The following OR2T12 variants were observed in gnomAD, a reference collection of about 807,000 sequenced individuals.
The protein encoded by OR2T12 is olfactory receptor 2T12.
For synonymous variants in OR2T12, 127 were observed against 160.5 expected, an observed-to-expected ratio of 0.79 and a Z score of 1.58; for missense variants, 335 against 404.3, an observed-to-expected ratio of 0.83 and a Z score of 1.47.
intron 2 of OR2T12, among the ~76,000 whole-genome samples, chr1:248,299,406 C>G (rs9629000): frequency 0.012 from 1,828 of 152,036 alleles, 26 homozygotes; most frequent in African/African-American, 0.029. Context: ...ATAAAACAGA[C>G]TTTAAACCAA....
intron 2 of OR2T12, among the ~76,000 whole-genome samples, chr1:248,295,930 T>A (rs534176089): frequency 2.0e-5 from 3 of 152,268 alleles, no homozygotes; most frequent in Admixed American, 1.3e-4. Context: ...TGTATACATG[T>A]GACATGCTGG....
rs1659683889 is a variant in OR2T12, at chr1:248,294,602, C to T, written c.*14G>A. 5.0e-6 allele frequency: 8 copies of T among 1,610,028 alleles called. No individual in the cohort carries two copies. The highest frequency in any genetic ancestry group is 1.1e-5 in the South Asian group (1 of 90,710). On this transcript the variant is annotated 3_prime_UTR_variant, in exon 3 of 3. Transcript: ENST00000641276. ...GTTAATAAATTCAGGAACTTAGACT[C>T]ATCTGACACTAGATCATCTTGACCT...
intron 2 of OR2T12, among the ~76,000 whole-genome samples, chr1:248,301,036 A>T (rs1659804999): frequency 6.6e-6 from 1 of 152,132 alleles, no homozygotes; most frequent in African/African-American, 2.4e-5. Context: ...CCATCACATT[A>T]GTTTAGGCTG....
Position 248,292,270 on chromosome 1 carries a change from CTG to C in OR2T12, c.*2344_*2345del, listed in dbSNP as rs1435385975. 3.9e-5 allele frequency: 6 copies of C among 152,094 alleles called. No individual in the cohort carries two copies. Among genetic ancestry groups the C allele is most frequent in the African/African-American group, 1.2e-4 (5 of 41,428 alleles). 9.4% of individuals were successfully genotyped at this position (152,094 alleles called of 1,614,324 possible). A position where few individuals can be genotyped will look rare whatever the true frequency, so the allele number is the denominator to read the frequency against. On this transcript the variant is annotated 3_prime_UTR_variant, in exon 3 of 3. Transcript: ENST00000641276. Reference sequence around the variant, plus strand: ...ATTAGTTCAAAGCCTCATCTTGATTCTGTGTTACTGGGTGCTAGAGCTTCATA... The same window carrying C: ...ATTAGTTCAAAGCCTCATCTTGATTCTGTTACTGGGTGCTAGAGCTTCATA...
intron 2 of OR2T12, among the ~76,000 whole-genome samples, chr1:248,299,343 C>T (rs570820145): frequency 6.6e-6 from 1 of 152,038 alleles, no homozygotes; most frequent in Non-Finnish European, 1.5e-5. Flanking sequence ...GGAGGAAGAT[C>T]TACCAAGCAA....
chr1:248,294,028 A>G lies in OR2T12; in HGVS notation c.*588T>C, dbSNP rs1659673912. 6.6e-6 allele frequency: 1 copy of G among 152,124 alleles called. No individual in the cohort carries two copies. Among genetic ancestry groups the G allele is most frequent in the African/African-American group, 2.4e-5 (1 of 41,430 alleles). The allele number at this position is 152,124 out of a possible 1,614,324, so 9.4% of individuals were successfully genotyped here. On this transcript the variant is annotated 3_prime_UTR_variant, in exon 3 of 3. Coordinates refer to ENST00000641276, the MANE Select transcript of OR2T12 (RefSeq NM_001004692.2). ...TAAAATATAACTTAAAAATAATGTT[A>G]TTTGTCTTTGGTGGAGTCCTCATAT...
intron 2 of OR2T12, among the ~76,000 whole-genome samples, chr1:248,299,117 A>G (rs1659777338): frequency 6.6e-6 from 1 of 152,160 alleles, no homozygotes; most frequent in South Asian, 2.1e-4. Flanking sequence ...CTAGGAGGAA[A>G]CTGCATCAAC....
intron 2 of OR2T12, among the ~76,000 whole-genome samples, chr1:248,299,846 C>T (rs752097670): frequency 6.6e-5 from 10 of 152,246 alleles, no homozygotes; most frequent in South Asian, 2.1e-4. Context: ...TCTCAGACCA[C>T]GGTGCAATCA....
rs1659680165 is a variant in OR2T12 at position 248,294,409 on chromosome 1, A to G, written c.*207T>C. On this transcript the variant is annotated 3_prime_UTR_variant, in exon 3 of 3. Transcript: ENST00000641276. ...TGGGGTTGTTGTAGGATACAAAGTA[A>G]TCTATAGGTATTACTTCACTTGAAG... is the stretch of plus-strand genomic sequence containing the variant. 3.4e-6 allele frequency: 2 copies of G among 580,656 alleles called. No homozygotes were observed. Among genetic ancestry groups the G allele is most frequent in the Non-Finnish European group, 5.8e-6 (2 of 346,400 alleles). The allele number at this position is 580,656 out of a possible 1,614,324, so 36.0% of individuals were successfully genotyped here.
rs549648445 is a variant in OR2T12 at position 248,292,242 on chromosome 1, A to G, written c.*2374T>C. The G allele has an allele frequency of 7.9e-5, 12 of 152,258 alleles. No individual in the cohort carries two copies. Among genetic ancestry groups the G allele is most frequent in the Non-Finnish European group, 1.8e-4 (12 of 67,966 alleles). The allele number at this position is 152,258 out of a possible 1,614,324, so 9.4% of individuals were successfully genotyped here. A position where few individuals can be genotyped will look rare whatever the true frequency, so the allele number is the denominator to read the frequency against. On this transcript the variant is annotated 3_prime_UTR_variant, in exon 3 of 3. Transcript: ENST00000641276. Reference sequence around the variant, plus strand: ...TGATTGAAGATAGCAGGTAATATCCAAGATTAGTTCAAAGCCTCATCTTGA... The same window carrying G: ...TGATTGAAGATAGCAGGTAATATCCGAGATTAGTTCAAAGCCTCATCTTGA...
In OR2T12 at chr1:248,294,749, G is replaced by A; in HGVS notation, c.830C>T (p.Thr277Ile). The part of the protein sequence containing the change: ...NHDKVVSAFY[T>I]MFTPLLNPLI... ...GGGATTTAGTAAAGGGGTGAACATA[G>A]TATAGAAGGCTGACACAACCTTATC... The change falls in exon 3 of 3, where the codon ACT (threonine) becomes ATT (isoleucine). Residue 277 changes from threonine to isoleucine, a missense_variant. Coordinates refer to ENST00000641276, the MANE Select transcript of OR2T12 (RefSeq NM_001004692.2). The A allele has an allele frequency of 6.2e-7, 1 of 1,613,764 alleles. No homozygotes were observed. Among genetic ancestry groups the A allele is most frequent in the Non-Finnish European group, 8.5e-7 (1 of 1,179,950 alleles).
rs1380909434 is a variant in OR2T12, at chr1:248,291,805, C to A, written c.*2811G>T. On this transcript the variant is annotated 3_prime_UTR_variant, in exon 3 of 3. Transcript: ENST00000641276. ...TGCCATACAACCATCTCTTCTTTGACAAACCTGACAAAAACAAGCAATGGG... is the reference window on the plus strand; with the variant it reads ...TGCCATACAACCATCTCTTCTTTGAAAAACCTGACAAAAACAAGCAATGGG... 6.6e-6 allele frequency: 1 copy of A among 152,076 alleles called. No individual in the cohort carries two copies. Among genetic ancestry groups the A allele is most frequent in the Non-Finnish European group, 1.5e-5 (1 of 68,002 alleles). The allele number at this position is 152,076 out of a possible 1,614,324, so 9.4% of individuals were successfully genotyped here.
chr1:248,295,416 T>C lies in OR2T12; in HGVS notation c.163A>G (p.Arg55Gly), dbSNP rs79635253. Residue 55 changes from arginine (R) to glycine (G), a missense_variant, in exon 3 of 3, where the codon AGG becomes GGG. Arg to Gly is a moderately radical substitution (Grantham distance 125). Transcript: ENST00000641276. ...LLIHWDHRLH[R>G]PMYFLLSQLS... ...TGGCTCAGGAGGAAGTACATGGGCC[T>C]GTGGAGCCGGTGGTCCCAGTGAATC... 0.021 allele frequency: 33,130 copies of C among 1,606,446 alleles called. 1,072 individuals are homozygous for C. Among genetic ancestry groups the C allele is most frequent in the African/African-American group, 0.099 (7,268 of 73,692 alleles).
chr1:248,300,094 A>G (rs1289291744), intron 2 of OR2T12, among the ~76,000 whole-genome samples: 1 of 152,120 alleles, frequency 6.6e-6, no homozygotes, highest in African/African-American at 2.4e-5. Context: ...TAAAACTTAA[A>G]GTATAATAAT....
chr1:248,295,723 T>A, intron 2 of OR2T12, 137 bp from the exon 3 acceptor site: 3 of 1,146,750 alleles, frequency 2.6e-6, no homozygotes, highest in Non-Finnish European at 3.7e-6. Flanking sequence ...TGACTCCCAG[T>A]AGGCACAGCT....
Position 248,294,493 on chromosome 1 carries a change from TA to T in OR2T12, c.*122del. On this transcript the variant is annotated 3_prime_UTR_variant, in exon 3 of 3. Coordinates refer to ENST00000641276, the MANE Select transcript of OR2T12 (RefSeq NM_001004692.2). ...CAATACAATTGGCTCACTTCATTCT[TA>T]AAAATATCTTATTATATCAATACAC... is the stretch of plus-strand genomic sequence containing the variant. 1 of 1,330,056 alleles carries T rather than the reference TA, an allele frequency of 7.5e-7. No individual in the cohort carries two copies. Among genetic ancestry groups the T allele is most frequent in the Non-Finnish European group, 1.0e-6 (1 of 971,836 alleles). 82.4% of individuals were successfully genotyped at this position (1,330,056 alleles called of 1,614,324 possible).
In OR2T12 at chr1:248,294,521, A is replaced by T; in HGVS notation, c.*95T>A. 6.9e-7 allele frequency: 1 copy of T among 1,457,170 alleles called. No homozygotes were observed. The allele number at this position is 1,457,170 out of a possible 1,614,324, so 90.3% of individuals were successfully genotyped here. On this transcript the variant is annotated 3_prime_UTR_variant, in exon 3 of 3. Coordinates refer to ENST00000641276, the MANE Select transcript of OR2T12 (RefSeq NM_001004692.2). ...AAATATCTTATTATATCAATACACAAACTTAATTTTCTCTTCATGAATTAC... is the reference window on the plus strand; with the variant it reads ...AAATATCTTATTATATCAATACACATACTTAATTTTCTCTTCATGAATTAC...
intron 2 of OR2T12, among the ~76,000 whole-genome samples, chr1:248,296,420 G>A (rs938639546): frequency 1.3e-5 from 2 of 152,166 alleles, no homozygotes; most frequent in Admixed American, 6.6e-5. Flanking sequence ...GATCCCTGAG[G>A]AATTGCCACA....
chr1:248,299,603 A>G (rs924418508), intron 2 of OR2T12, among the ~76,000 whole-genome samples: 3 of 152,324 alleles, frequency 2.0e-5, no homozygotes, highest in Non-Finnish European at 2.9e-5. Context: ...TTCAACACCC[A>G]CTGTCAACAT....
Sources: allele counts gnomAD v4.1 joint callset (sites outside exome capture counted in the v4.1 genomes callset), GRCh38; gene constraint gnomAD v4.1.1; transcripts MANE v1.5; gene names NCBI Gene and HGNC (gene_info 2026-07-23, HGNC 2026-07-21).